CFAP61: variants seen among roughly 807,000 people sequenced by gnomAD.
CFAP61 encodes the protein cilia- and flagella-associated protein 61.
A neutral mutation model predicts 135.6 loss-of-function variants in CFAP61; 107 were observed. The observed-to-expected ratio is 0.79, with a 90% CI of 0.67 to 0.93. CFAP61 has a LOEUF of 0.93. Ranked by LOEUF, CFAP61 falls within the 40% of genes least tolerant of loss-of-function variation. The pLI is 0.00. For missense variants in CFAP61, 1,507 were observed against 1,556.2 expected, an observed-to-expected ratio of 0.97 and a Z score of 0.53; for synonymous variants, 575 against 578.5, an observed-to-expected ratio of 0.99 and a Z score of 0.09.
chr20:20,142,226 T>C (rs768803172), intron 8 of CFAP61, among the ~76,000 whole-genome samples: 8 of 152,214 alleles, frequency 5.3e-5, no homozygotes, highest in Non-Finnish European at 2.9e-5. Context: ...TTATTGACTT[T>C]CCAGAACTTA....
At chr20:20,285,920 CAAA>C (rs11476999) in intron 22 of CFAP61, among the ~76,000 whole-genome samples, 5 of 110,264 alleles carry the variant, frequency 4.5e-5, no homozygotes, top group Non-Finnish European at 5.7e-5. Context: ...GACCCTGTCT[CAAA>C]AAAAAAAAAA....
At chr20:20,211,548 G>A (rs572581569) in intron 17 of CFAP61, among the ~76,000 whole-genome samples, 1 of 152,186 alleles carries the variant, frequency 6.6e-6, no homozygotes, top group Non-Finnish European at 1.5e-5. Context: ...AAAATAGCAT[G>A]GGAGCCATAA....
At chr20:20,056,315 A>T (rs1178893247) in intron 1 of CFAP61, among the ~76,000 whole-genome samples, 2 of 152,236 alleles carry the variant, frequency 1.3e-5, no homozygotes. Flanking sequence ...GAGGACCCTG[A>T]ATCCGTAAAT....
chr20:20,168,914 G>A (rs1157403356), intron 12 of CFAP61, among the ~76,000 whole-genome samples: 3 of 152,146 alleles, frequency 2.0e-5, no homozygotes, highest in Non-Finnish European at 4.4e-5. Flanking sequence ...CTCCCATCTC[G>A]CAAGAGGAAG....
chr20:20,264,758 G>A (rs762488948), intron 21 of CFAP61, among the ~76,000 whole-genome samples: 1 of 152,162 alleles, frequency 6.6e-6, no homozygotes. Context: ...TGGGCATGGT[G>A]GTGTACACCT....
At chr20:20,091,089 C>A (rs1200278123) in intron 7 of CFAP61, 113 bp downstream of exon 7, 3 of 1,195,074 alleles carry the variant, frequency 2.5e-6, no homozygotes, top group East Asian at 4.7e-5. Context: ...CCCTGGCCAC[C>A]CCGGCCCTCC....
In CFAP61 at chr20:20,288,818, TGGCTTTCAGCTGGCAGCA is replaced by T. The variant is rs766403235; in HGVS notation, c.3008_3025del (p.Gly1003_Ala1008del). 3.1e-6 allele frequency: 5 copies of T among 1,614,040 alleles called. No homozygotes were observed. In the African/African-American group the frequency reaches 5.3e-5, roughly 17 times the overall value. On this transcript the variant is annotated inframe_deletion, in exon 23 of 27. Coordinates refer to ENST00000245957, the MANE Select transcript of CFAP61 (RefSeq NM_015585.4). ...ACAGCAACTTCAGTTCCAAAGAAAT[TGGCTTTCAGCTGGCAGCA>T]GCTATGCTACATCTCTTTGATCCAA...
At chr20:20,167,466 A>T (rs1249594496) in intron 12 of CFAP61, among the ~76,000 whole-genome samples, 1 of 152,246 alleles carries the variant, frequency 6.6e-6, no homozygotes, top group Non-Finnish European at 1.5e-5. Context: ...ATGTAAACGT[A>T]AATATTTAAC....
Position 20,277,315 on chromosome 20 carries a change from G to A in CFAP61, c.2653G>A (p.Ala885Thr), listed in dbSNP as rs562230972. 26 of 1,614,152 alleles carry A rather than the reference G, an allele frequency of 1.6e-5. 1 individual carries two copies. In the African/African-American group the frequency reaches 3.3e-4, roughly 21 times the overall value. The change falls in exon 22 of 27, where the codon GCC (alanine) becomes ACC (threonine). Residue 885 changes from alanine (A) to threonine (T), a missense_variant. By Grantham distance (58) the Ala-to-Thr change is moderately conservative. Coordinates refer to ENST00000245957, the MANE Select transcript of CFAP61 (RefSeq NM_015585.4). ...TCINNYSVESAVADALGAAGV... is the reference protein window; with the variant it reads ...TCINNYSVESTVADALGAAGV... ...CATCAACAACTACTCGGTGGAGAGCGCCGTGGCGGACGCGCTAGGAGCCGC... is the reference window on the plus strand; with the variant it reads ...CATCAACAACTACTCGGTGGAGAGCACCGTGGCGGACGCGCTAGGAGCCGC...
intron 17 of CFAP61, among the ~76,000 whole-genome samples, chr20:20,212,651 G>GA (rs1381389373): frequency 2.6e-5 from 4 of 152,084 alleles, no homozygotes; most frequent in African/African-American, 9.7e-5. Flanking sequence ...ACTGAGAGAG[G>GA]AACCCCTGCT....
chr20:20,177,362 C>T (rs971120589), intron 13 of CFAP61, among the ~76,000 whole-genome samples: 2 of 152,228 alleles, frequency 1.3e-5, no homozygotes. Context: ...CATGTACTGG[C>T]TCACATAAGC....
intron 8 of CFAP61, among the ~76,000 whole-genome samples, chr20:20,135,241 C>T (rs2050834062): frequency 6.6e-6 from 1 of 152,134 alleles, no homozygotes; most frequent in Non-Finnish European, 1.5e-5. Flanking sequence ...GAGCATAGGC[C>T]TGCTGACACC....
At chr20:20,203,981 A>G (rs903914117) in intron 17 of CFAP61, among the ~76,000 whole-genome samples, 1 of 152,180 alleles carries the variant, frequency 6.6e-6, no homozygotes, top group Non-Finnish European at 1.5e-5. Flanking sequence ...CTTTCCAGGA[A>G]TGGGAGTTTA....
intron 20 of CFAP61, among the ~76,000 whole-genome samples, chr20:20,258,097 C>T (rs914617984): frequency 1.3e-5 from 2 of 152,100 alleles, no homozygotes; most frequent in Non-Finnish European, 2.9e-5. Flanking sequence ...TCAAACCACC[C>T]TGTTATAAGA....
intron 13 of CFAP61, among the ~76,000 whole-genome samples, chr20:20,177,081 A>G (rs2054688358): frequency 6.6e-6 from 1 of 151,966 alleles, no homozygotes; most frequent in Admixed American, 6.6e-5. Flanking sequence ...TGAGTTATTC[A>G]TTTCTTCTGT....
intron 16 of CFAP61, 61 bp downstream of exon 16, chr20:20,196,837 GT>G: frequency 7.3e-7 from 1 of 1,374,394 alleles, no homozygotes; most frequent in South Asian, 1.2e-5. Flanking sequence ...TGTTGGTGTT[GT>G]ACGCCGCATT....
chr20:20,324,850 T>C (rs766530865), intron 25 of CFAP61, among the ~76,000 whole-genome samples: 18 of 152,220 alleles, frequency 1.2e-4, no homozygotes, highest in Non-Finnish European at 2.4e-4. Context: ...TATTTATTCT[T>C]CTGTGAATTG....
intron 25 of CFAP61, among the ~76,000 whole-genome samples, chr20:20,313,048 G>A (rs773236757): frequency 1.4e-4 from 22 of 152,146 alleles, no homozygotes; most frequent in Admixed American, 1.2e-3. Context: ...CTCACCAAAT[G>A]TATATGTTGA....
chr20:20,315,420 G>T (rs1203899181), intron 25 of CFAP61, among the ~76,000 whole-genome samples: 3 of 152,206 alleles, frequency 2.0e-5, no homozygotes, highest in African/African-American at 7.2e-5. Flanking sequence ...TGAGTTCATT[G>T]TAGATGCTGG....
Sources: allele counts gnomAD v4.1 joint callset (sites outside exome capture counted in the v4.1 genomes callset), GRCh38; gene constraint gnomAD v4.1.1; transcripts MANE v1.5; gene names NCBI Gene and HGNC (gene_info 2026-07-23, HGNC 2026-07-21).